ITPR1: variants seen among roughly 807,000 people sequenced by gnomAD.
ITPR1 encodes the protein inositol 1,4,5-trisphosphate receptor type 1, also known as inositol 1,4,5-trisphosphate-gated calcium channel ITPR1.
A neutral mutation model predicts 318.4 loss-of-function variants in ITPR1; 96 were observed. The ratio of observed to expected loss-of-function variants is 0.30; its 90% CI spans 0.26 to 0.36. ITPR1 has a LOEUF of 0.36. Ranked by LOEUF, ITPR1 falls within the 10% of genes least tolerant of loss-of-function variation. The probability of loss-of-function intolerance (pLI) is 1.00; values close to 1 mark genes in which losing one functional copy is unlikely to be tolerated. For synonymous variants in ITPR1, 1,312 were observed against 1,289.9 expected (o/e 1.02, Z -0.37); for missense variants, 2,440 against 3,460.2 (o/e 0.71, Z 7.40).
chr3:4,729,911 C>T (rs73095828), intron 42 of ITPR1, among the ~76,000 whole-genome samples: 2,134 of 143,198 alleles, frequency 0.015, 66 homozygotes, highest in African/African-American at 0.052. Context: ...GAAGAAGTGA[C>T]GTTATTTTAG....
chr3:4,777,658 A>G (rs2046562645), intron 48 of ITPR1, among the ~76,000 whole-genome samples: 1 of 152,154 alleles, frequency 6.6e-6, no homozygotes, highest in African/African-American at 2.4e-5. Context: ...ATCGAGTACT[A>G]AATACCTTGG....
At chr3:4,574,092 A>G (rs1247528626) in intron 4 of ITPR1, among the ~76,000 whole-genome samples, 1 of 152,208 alleles carries the variant, frequency 6.6e-6, no homozygotes, top group Non-Finnish European at 1.5e-5. Context: ...TTGCCCAGGA[A>G]AATGCTGTAA....
chr3:4,751,636 C>A (rs1190171489), intron 44 of ITPR1: 2 of 152,238 alleles, frequency 1.3e-5, no homozygotes, highest in African/African-American at 4.8e-5. Context: ...CAGAGGCAAG[C>A]TGACTTCCCT....
intron 52 of ITPR1, among the ~76,000 whole-genome samples, chr3:4,789,457 T>C (rs7652212): frequency 0.93 from 142,233 of 152,252 alleles, 66,723 homozygotes; most frequent in East Asian, 1. Flanking sequence ...TACCCTGTAC[T>C]CCAAAAGGGA....
intron 59 of ITPR1, among the ~76,000 whole-genome samples, chr3:4,816,859 A>G (rs1294251710): frequency 6.6e-6 from 1 of 152,188 alleles, no homozygotes; most frequent in Admixed American, 6.5e-5. Context: ...TATTATGATG[A>G]TGGTTGCCCA....
intron 36 of ITPR1, among the ~76,000 whole-genome samples, chr3:4,704,793 C>T (rs1174297931): frequency 1.3e-5 from 2 of 151,670 alleles, no homozygotes; most frequent in African/African-American, 2.4e-5. Flanking sequence ...CCCAGAGTCC[C>T]CTCTGTGCCT....
At chr3:4,634,263 G>A (rs1371778088) in intron 5 of ITPR1, among the ~76,000 whole-genome samples, 1 of 151,888 alleles carries the variant, frequency 6.6e-6, no homozygotes, top group African/African-American at 2.4e-5. Context: ...ACCCACGCTG[G>A]TGTGCAGTGA....
At chr3:4,513,686 C>T (rs186768457) in intron 2 of ITPR1, among the ~76,000 whole-genome samples, 4 of 152,232 alleles carry the variant, frequency 2.6e-5, no homozygotes, top group African/African-American at 9.6e-5. Flanking sequence ...CAGAATTGTG[C>T]ATAAGAAGAA....
intron 59 of ITPR1, among the ~76,000 whole-genome samples, chr3:4,817,812 T>G (rs1407762190): frequency 2.0e-5 from 3 of 152,164 alleles, no homozygotes; most frequent in Non-Finnish European, 2.9e-5. Flanking sequence ...GTCTCCCCAT[T>G]CACTAACAAG....
intron 44 of ITPR1, among the ~76,000 whole-genome samples, chr3:4,741,900 C>A (rs1159906883): frequency 6.6e-6 from 1 of 152,136 alleles, no homozygotes; most frequent in Non-Finnish European, 1.5e-5. Flanking sequence ...AGGTTTTATC[C>A]ATGTGGGAAA....
intron 41 of ITPR1, 101 bp downstream of exon 41, chr3:4,725,682 C>T: frequency 1.9e-6 from 2 of 1,055,924 alleles, no homozygotes; most frequent in South Asian, 1.3e-5. Flanking sequence ...AAAAGTCTCT[C>T]CCGGTGGTAG....
intron 58 of ITPR1, 78 bp from the exon 59 acceptor site, chr3:4,814,975 A>G: frequency 8.2e-7 from 1 of 1,224,202 alleles, no homozygotes; most frequent in Non-Finnish European, 1.2e-6. Flanking sequence ...ATGAGGTCTC[A>G]CTTGAGCTGT....
chr3:4,812,013 T>A (rs1050690170), intron 56 of ITPR1, among the ~76,000 whole-genome samples: 11 of 150,996 alleles, frequency 7.3e-5, no homozygotes, highest in Middle Eastern at 3.2e-3. Flanking sequence ...GGCAGAAGGA[T>A]AACTATAGTA....
intron 4 of ITPR1, among the ~76,000 whole-genome samples, chr3:4,613,677 C>T (rs535217483): frequency 1.3e-5 from 2 of 152,256 alleles, no homozygotes; most frequent in East Asian, 3.9e-4. Flanking sequence ...TCCAGCAGTG[C>T]AAATTGGACA....
chr3:4,553,204 C>T (rs141008647), intron 4 of ITPR1, among the ~76,000 whole-genome samples: 1 of 152,064 alleles, frequency 6.6e-6, no homozygotes, highest in African/African-American at 2.4e-5. Flanking sequence ...AGCCGGGCAA[C>T]AAAGGATGGG....
intron 45 of ITPR1, among the ~76,000 whole-genome samples, chr3:4,766,966 A>G (rs2045857360): frequency 1.3e-5 from 2 of 152,376 alleles, no homozygotes; most frequent in Non-Finnish European, 2.9e-5. Context: ...GGATCCATGA[A>G]TAATCTTTTC....
chr3:4,648,575 C>T (rs1187996236), intron 10 of ITPR1, among the ~76,000 whole-genome samples: 2 of 152,206 alleles, frequency 1.3e-5, no homozygotes, highest in Admixed American at 6.5e-5. Context: ...TTTGGGAGGC[C>T]GAGGTGGGCG....
rs1229185649 is a variant in ITPR1, at chr3:4,782,632, A to G, written c.6401A>G (p.Lys2134Arg). 6.2e-7 allele frequency: 1 copy of G among 1,607,598 alleles called. No homozygotes were observed. Among genetic ancestry groups the G allele is most frequent in the African/African-American group, 1.3e-5 (1 of 74,830 alleles). The change falls in exon 50 of 62, where the codon AAG (lysine) becomes AGG (arginine). Residue 2134 changes from lysine (K) to arginine (R), a missense_variant. This residue lies in a region of ITPR1 where 49 missense variants were observed against 47.2 expected (regional missense o/e 1.04). Coordinates refer to ENST00000649015, the MANE Select transcript of ITPR1 (RefSeq NM_001378452.1). ...MRPKELVEVI[K>R]KAYMQGEVEF... ...CTCTTCTTGCAGGTGGAAGTGATCA[A>G]GAAAGCCTACATGCAAGGTGAAGTG...
intron 56 of ITPR1, among the ~76,000 whole-genome samples, chr3:4,811,850 G>T (rs1357614945): frequency 6.6e-6 from 1 of 152,146 alleles, no homozygotes. Flanking sequence ...ACATATATGG[G>T]AGAACGTTCG....
Sources: allele counts gnomAD v4.1 joint callset (sites outside exome capture counted in the v4.1 genomes callset), GRCh38; gene constraint gnomAD v4.1.1; regional missense constraint gnomAD v4.1.1; transcripts MANE v1.5; gene names NCBI Gene and HGNC (gene_info 2026-07-23, HGNC 2026-07-21).